The following ITPR2 variants were observed in gnomAD, a reference collection of about 807,000 sequenced individuals.
ITPR2 encodes inositol 1,4,5-trisphosphate-gated calcium channel ITPR2.
In ITPR2, 207 loss-of-function variants were observed where a neutral mutation model predicts 317.1. That is an observed-to-expected ratio of 0.65 (90% confidence interval 0.58 to 0.73). The LOEUF (loss-of-function observed/expected upper bound fraction) is 0.73, where lower values mean the gene tolerates loss of function less well. Ranked by LOEUF, ITPR2 falls within the 30% of genes least tolerant of loss-of-function variation. ITPR2 has a pLI of 0.00. For synonymous variants in ITPR2, 1,156 were observed against 1,149.1 expected (o/e 1.01, Z -0.12); for missense variants, 2,613 against 3,284.0 (o/e 0.80, Z 4.99).
intron 45 of ITPR2, among the ~76,000 whole-genome samples, chr12:26,451,725 T>G (rs1042063686): frequency 9.9e-5 from 15 of 152,228 alleles, no homozygotes; most frequent in African/African-American, 3.6e-4. Context: ...TGTCTTAAAC[T>G]ATAGTAAAAT....
intron 37 of ITPR2, among the ~76,000 whole-genome samples, chr12:26,506,986 T>C (rs1434772640): frequency 1.3e-5 from 2 of 152,378 alleles, no homozygotes; most frequent in East Asian, 3.9e-4. Context: ...TTTTTCCTCA[T>C]GAAATAAATC....
At position 26,561,776 on chromosome 12, in the gene ITPR2, TA is replaced by T; in HGVS notation, c.4806del (p.Ile1603LeufsTer7). ...LGGPAWDYRN[I>X]IEKLQDVVAS... is the part of the protein sequence containing the mutation. Reference sequence around the variant, plus strand: ...CTTTCATGTACCTGTAACTTTTCAATAATATTTCTGTAATCCCAAGCAGGCC... The same window carrying T: ...CTTTCATGTACCTGTAACTTTTCAATATATTTCTGTAATCCCAAGCAGGCC... On this transcript the variant is annotated frameshift_variant, in exon 35 of 57. Coordinates refer to ENST00000381340, the MANE Select transcript of ITPR2 (RefSeq NM_002223.4). LOFTEE classifies it high-confidence loss of function. The T allele has an allele frequency of 6.4e-7, 1 of 1,572,930 alleles. No homozygotes were observed. The highest frequency in any genetic ancestry group is 8.6e-7 in the Non-Finnish European group (1 of 1,169,090).
At chr12:26,773,391 G>A (rs936274692) in intron 2 of ITPR2, among the ~76,000 whole-genome samples, 11 of 152,130 alleles carry the variant, frequency 7.2e-5, no homozygotes, top group African/African-American at 1.4e-4. Flanking sequence ...TATACACCAT[G>A]GGAAGGAAGA....
chr12:26,596,906 T>A lies in ITPR2; in HGVS notation c.4231A>T (p.Thr1411Ser), dbSNP rs1945860131. The A allele has an allele frequency of 6.4e-7, 1 of 1,566,810 alleles. No individual in the cohort carries two copies. The highest frequency in any genetic ancestry group is 1.4e-5 in the African/African-American group (1 of 73,874). ...ACCTCAGGGATGCAGTCGTCATGGGTCACCACCCTCACTATGTCGTCCAGC... is the reference window on the plus strand; with the variant it reads ...ACCTCAGGGATGCAGTCGTCATGGGACACCACCCTCACTATGTCGTCCAGC... ...LPLDDIVRVV[T>S]HDDCIPEVKI... Residue 1411 changes from threonine to serine, a missense_variant, in exon 31 of 57, where the codon ACC (threonine) becomes TCC (serine). By Grantham distance (58) the Thr-to-Ser change is moderately conservative. Around this residue, in one of 9 missense-constraint regions of ITPR2, gnomAD observed 926 missense variants for 1,072.8 expected, o/e 0.86. Transcript: ENST00000381340.
chr12:26,637,736 C>T, intron 21 of ITPR2, among the ~76,000 whole-genome samples: 1 of 152,080 alleles, frequency 6.6e-6, no homozygotes, highest in Non-Finnish European at 1.5e-5. Context: ...GTGGTCACCA[C>T]CTTACTAATG....
At chr12:26,557,042 G>A (rs894510335) in intron 35 of ITPR2, among the ~76,000 whole-genome samples, 81 of 151,850 alleles carry the variant, frequency 5.3e-4, no homozygotes, top group African/African-American at 1.8e-3. Flanking sequence ...TAGCACCATT[G>A]CACTCCAGCC....
intron 13 of ITPR2, among the ~76,000 whole-genome samples, chr12:26,674,063 A>G (rs1217722949): frequency 7.1e-6 from 1 of 140,614 alleles, no homozygotes; most frequent in Admixed American, 7.5e-5. Context: ...AACAAATGGA[A>G]GAACATTCCA....
rs1942687340 is a variant in ITPR2, at chr12:26,487,061, T to G, written c.5554+7A>C. On this transcript the variant is annotated splice_region_variant and intron_variant, in intron 40 of 56. Coordinates refer to ENST00000381340, the MANE Select transcript of ITPR2 (RefSeq NM_002223.4). ...CTGTTCTCCCAAATACTCAAATACT[T>G]CTTTACCTCTCATTCGTGGACCAGA... The G allele has an allele frequency of 1.9e-6, 3 of 1,609,686 alleles. No homozygotes were observed. Among genetic ancestry groups the G allele is most frequent in the Non-Finnish European group, 2.5e-6 (3 of 1,176,734 alleles).
At chr12:26,684,986 A>G (rs1451717364) in intron 11 of ITPR2, among the ~76,000 whole-genome samples, 4 of 152,190 alleles carry the variant, frequency 2.6e-5, no homozygotes, top group African/African-American at 9.6e-5. Flanking sequence ...AAATTCAGCA[A>G]CATTTCTCAT....
rs79798438 is a variant in ITPR2 at position 26,521,296 on chromosome 12, C to T, written c.5074-26036G>A. Among the ~76,000 whole-genome samples, 99 of 151,882 alleles carry T rather than the reference C, an allele frequency of 6.5e-4. 1 individual carries two copies. In the East Asian group the frequency reaches 0.016, roughly 25 times the overall value. ...TTATTATTTATTTTTATAAGTGCAG[C>T]GCATGAAAAATAATTTCTATTAATT... On this transcript the variant is annotated intron_variant, in intron 37 of 56. Transcript: ENST00000381340.
chr12:26,764,905 T>C (rs1028909433), intron 2 of ITPR2, among the ~76,000 whole-genome samples: 9 of 152,116 alleles, frequency 5.9e-5, no homozygotes, highest in African/African-American at 2.2e-4. Flanking sequence ...TTGAATATTG[T>C]TATTGTTTTC....
At chr12:26,772,485 A>G (rs1949876690) in intron 2 of ITPR2, among the ~76,000 whole-genome samples, 4 of 66,588 alleles carry the variant, frequency 6.0e-5, no homozygotes, top group South Asian at 3.6e-4. Context: ...TATAATATAT[A>G]TAATACATAT....
At chr12:26,516,269 A>AGGG (rs1943498748) in intron 37 of ITPR2, among the ~76,000 whole-genome samples, 2 of 50,448 alleles carry the variant, frequency 4.0e-5, no homozygotes, top group East Asian at 4.5e-4. Flanking sequence ...AAGGAAAGGA[A>AGGG]AGGAAGGGAA....
intron 2 of ITPR2, among the ~76,000 whole-genome samples, chr12:26,766,475 T>C (rs939416992): frequency 6.6e-6 from 1 of 152,162 alleles, no homozygotes; most frequent in Non-Finnish European, 1.5e-5. Context: ...GGTTGTCTTT[T>C]TATTATCGAT....
chr12:26,346,222 A>G (rs569079724), intron 55 of ITPR2, among the ~76,000 whole-genome samples: 3 of 152,326 alleles, frequency 2.0e-5, no homozygotes, highest in South Asian at 2.1e-4. Context: ...TTTTATCCCT[A>G]AATTCTAACA....
intron 13 of ITPR2, among the ~76,000 whole-genome samples, 176 bp downstream of exon 13, chr12:26,681,698 C>A (rs1163903212): frequency 6.6e-6 from 1 of 152,172 alleles, no homozygotes; most frequent in Non-Finnish European, 1.5e-5. Flanking sequence ...AGATTTAAAT[C>A]TGACAAATTT....
In ITPR2 at chr12:26,772,550, TA is replaced by T. The variant is rs1443237139; in HGVS notation, c.163+17606del. 5.9e-4 allele frequency among the ~76,000 whole-genome samples: 82 copies of T among 138,638 alleles called. 3 individuals are homozygous for T. Among genetic ancestry groups the T allele is most frequent in the Middle Eastern group, 3.4e-3 (1 of 296 alleles). The allele number at this position is 138,638 out of a possible 152,430, so 91.0% of individuals were successfully genotyped here. ...ATATATAATACATGTATTATATATA[TA>T]ATACATGTATTATATATATATATGT... On this transcript the variant is annotated intron_variant, in intron 2 of 56. Transcript: ENST00000381340.
intron 32 of ITPR2, among the ~76,000 whole-genome samples, chr12:26,587,769 C>T (rs1945571090): frequency 6.6e-6 from 1 of 152,128 alleles, no homozygotes; most frequent in Non-Finnish European, 1.5e-5. Context: ...TCTTCCACCT[C>T]CTTCAATCAT....
chr12:26,604,278 CT>C (rs1357149324), intron 26 of ITPR2, among the ~76,000 whole-genome samples: 2 of 152,166 alleles, frequency 1.3e-5, no homozygotes, highest in Non-Finnish European at 2.9e-5. Context: ...AAATATTGTC[CT>C]GAGGCTCCCA....
Sources: gnomAD v4.1 joint callset for allele counts (sites outside exome capture counted in the v4.1 genomes callset) on GRCh38, gnomAD v4.1.1 for gene constraint, gnomAD v4.1.1 regional missense constraint, MANE v1.5 for transcripts, NCBI Gene and HGNC (gene_info 2026-07-23, HGNC 2026-07-21) for gene names.